CXCL13: variants seen among roughly 807,000 people sequenced by gnomAD.
CXCL13 encodes C-X-C motif chemokine ligand 13.
In CXCL13, 7 loss-of-function variants were observed where a neutral mutation model predicts 12.2. The observed-to-expected ratio is 0.57, with a 90% CI of 0.33 to 1.07. The LOEUF (loss-of-function observed/expected upper bound fraction) is 1.07. Ranked by LOEUF, CXCL13 falls within the 50% of genes least tolerant of loss-of-function variation. The pLI is 0.04. For missense variants in CXCL13, 113 were observed against 127.4 expected (o/e 0.89, Z 0.55); for synonymous variants, 47 against 42.4 (o/e 1.11, Z -0.42).
intron 1 of CXCL13, among the ~76,000 whole-genome samples, chr4:77,530,322 T>C (rs1163405431): frequency 6.6e-6 from 1 of 152,248 alleles, no homozygotes; most frequent in Non-Finnish European, 1.5e-5. Context: ...CCTCTTTTTC[T>C]ATTGATTGGA....
At chr4:77,589,219 A>G (rs1306766319) in intron 1 of CXCL13, among the ~76,000 whole-genome samples, 1 of 149,858 alleles carries the variant, frequency 6.7e-6, no homozygotes, top group African/African-American at 2.5e-5. Flanking sequence ...ATAATTCATA[A>G]GTTTTAAATT....
intron 1 of CXCL13, among the ~76,000 whole-genome samples, chr4:77,570,990 G>A (rs1726061998): frequency 6.6e-6 from 1 of 152,006 alleles, no homozygotes; most frequent in African/African-American, 2.4e-5. Context: ...CCTGACGAAT[G>A]CCGCTCCCTG....
chr4:77,536,756 GA>G (rs1725066504), intron 1 of CXCL13, among the ~76,000 whole-genome samples: 1 of 152,066 alleles, frequency 6.6e-6, no homozygotes, highest in Admixed American at 6.6e-5. Context: ...ATTTTCTTCT[GA>G]AAAATAGCAA....
chr4:77,608,192 G>C (rs550933723), intron 2 of CXCL13, among the ~76,000 whole-genome samples: 2 of 152,118 alleles, frequency 1.3e-5, no homozygotes, highest in East Asian at 3.9e-4. Flanking sequence ...TGTAATCCCA[G>C]CACTTTAGGA....
chr4:77,581,071 A>T (rs1175473279), intron 1 of CXCL13, among the ~76,000 whole-genome samples: 3 of 152,104 alleles, frequency 2.0e-5, no homozygotes, highest in African/African-American at 7.2e-5. Flanking sequence ...AACGTAGGTT[A>T]GTGGTTGCTT....
chr4:77,560,045 G>A (rs1159462792), intron 1 of CXCL13, among the ~76,000 whole-genome samples: 49 of 141,172 alleles, frequency 3.5e-4, no homozygotes, highest in Admixed American at 3.2e-3. Flanking sequence ...CAATGAGGTT[G>A]TTTTCTTTCT....
At chr4:77,606,028 A>G in intron 1 of CXCL13, 99 bp downstream of exon 1, 1 of 736,758 alleles carries the variant, frequency 1.4e-6, no homozygotes, top group Non-Finnish European at 2.2e-6. Flanking sequence ...AGTCTGACTA[A>G]AGGGGGAAAA....
At chr4:77,609,219 A>C in intron 2 of CXCL13, among the ~76,000 whole-genome samples, 1 of 152,120 alleles carries the variant, frequency 6.6e-6, no homozygotes, top group African/African-American at 2.4e-5. Flanking sequence ...GTGCAGTTTC[A>C]GAGTTAGATG....
intron 1 of CXCL13, among the ~76,000 whole-genome samples, chr4:77,534,193 A>T (rs1212810126): frequency 6.6e-6 from 1 of 150,440 alleles, no homozygotes; most frequent in East Asian, 1.9e-4. Flanking sequence ...CAGTTTCTTA[A>T]AAACAAAAAC....
chr4:77,531,330 T>A (rs1724912239), intron 1 of CXCL13, among the ~76,000 whole-genome samples: 2 of 139,630 alleles, frequency 1.4e-5, no homozygotes, highest in Admixed American at 1.5e-4. Context: ...TGTGTCCATG[T>A]GTTCTCATTG....
intron 1 of CXCL13, among the ~76,000 whole-genome samples, chr4:77,545,284 G>A (rs368887841): frequency 3.3e-5 from 5 of 152,124 alleles, no homozygotes; most frequent in Admixed American, 1.3e-4. Context: ...TTCTGTGAAG[G>A]AAGTCATTGG....
At chr4:77,573,393 T>A (rs1726136967) in intron 1 of CXCL13, among the ~76,000 whole-genome samples, 1 of 150,864 alleles carries the variant, frequency 6.6e-6, no homozygotes, top group Non-Finnish European at 1.5e-5. Flanking sequence ...TGTGTGTGTG[T>A]GTGTGTGTGT....
At chr4:77,523,718 ATCAAAG>A (rs1724681011) in intron 1 of CXCL13, among the ~76,000 whole-genome samples, 2 of 152,186 alleles carry the variant, frequency 1.3e-5, no homozygotes, top group African/African-American at 2.4e-5. Context: ...CTGTCAACTC[ATCAAAG>A]TCATTCTCTG....
chr4:77,575,391 C>T (rs1726176941), intron 1 of CXCL13, among the ~76,000 whole-genome samples: 1 of 151,802 alleles, frequency 6.6e-6, no homozygotes, highest in Non-Finnish European at 1.5e-5. Context: ...TGATTTGCTG[C>T]ACCCATCAAC....
chr4:77,523,114 C>T (rs193038488), intron 1 of CXCL13, among the ~76,000 whole-genome samples: 46 of 152,242 alleles, frequency 3.0e-4, no homozygotes, highest in African/African-American at 9.9e-4. Context: ...GTGGGTAACC[C>T]GACCTTTCTC....
At position 77,554,299 on chromosome 4, in the gene CXCL13, C is replaced by T. The variant is rs573866047; in HGVS notation, c.-43+42511C>T. Among the ~76,000 whole-genome samples the T allele has an allele frequency of 2.6e-5, 4 of 152,108 alleles. No homozygotes were observed. In the South Asian group the frequency reaches 8.3e-4, roughly 32 times the overall value. On this transcript the variant is annotated intron_variant, in intron 1 of 4. Coordinates refer to the CXCL13 transcript ENST00000286758. ...AAAGAAAAAGGGAAAATTATTATAG[C>T]TTGTAAACATTTACCTTAAGAAAAC...
At chr4:77,545,522 G>A (rs1374103860) in intron 1 of CXCL13, among the ~76,000 whole-genome samples, 3 of 152,176 alleles carry the variant, frequency 2.0e-5, no homozygotes, top group Non-Finnish European at 4.4e-5. Context: ...GTGAATGGGA[G>A]TTCACTCACG....
chr4:77,521,001 G>T (rs1001175826), intron 1 of CXCL13, among the ~76,000 whole-genome samples: 3 of 152,068 alleles, frequency 2.0e-5, no homozygotes, highest in Non-Finnish European at 4.4e-5. Context: ...CTGGTTCTGT[G>T]TATGTGATGG....
intron 1 of CXCL13, among the ~76,000 whole-genome samples, chr4:77,595,779 C>T (rs1033702777): frequency 6.6e-6 from 1 of 152,198 alleles, no homozygotes; most frequent in Non-Finnish European, 1.5e-5. Context: ...TGTGAGGATG[C>T]TGTTCTGTCA....
Sources: allele counts gnomAD v4.1 joint callset (sites outside exome capture counted in the v4.1 genomes callset), GRCh38; gene constraint gnomAD v4.1.1; transcripts MANE v1.5; gene names NCBI Gene and HGNC (gene_info 2026-07-23, HGNC 2026-07-21).